ROBO2: variants seen among roughly 807,000 people sequenced by gnomAD.
ROBO2 encodes the protein roundabout homolog 2.
In ROBO2, 53 loss-of-function variants were observed where a neutral mutation model predicts 160.8. The observed-to-expected ratio is 0.33, with a 90% CI of 0.26 to 0.41. The LOEUF is 0.41. Among genes scored for constraint, ROBO2 ranks in the 10% least tolerant of loss-of-function variants. The pLI is 1.00. For synonymous variants in ROBO2, 664 were observed against 611.7 expected, an observed-to-expected ratio of 1.09 and a Z score of -1.26; for missense variants, 1,577 against 1,722.4, an observed-to-expected ratio of 0.92 and a Z score of 1.49.
intron 2 of ROBO2, among the ~76,000 whole-genome samples, chr3:77,477,081 A>G (rs891205502): frequency 6.6e-6 from 1 of 152,212 alleles, no homozygotes. Context: ...GTTTCTATAT[A>G]GAAAATAGAA....
chr3:76,428,877 G>A (rs1341920797), intron 2 of ROBO2, among the ~76,000 whole-genome samples: 4 of 152,196 alleles, frequency 2.6e-5, no homozygotes, highest in South Asian at 4.1e-4. Context: ...CTTCACGGTC[G>A]TGGGACTGAC....
At chr3:76,241,873 G>T (rs1023795572) in intron 2 of ROBO2, among the ~76,000 whole-genome samples, 5 of 152,120 alleles carry the variant, frequency 3.3e-5, no homozygotes, top group Non-Finnish European at 7.4e-5. Flanking sequence ...AATGGATTAG[G>T]ACAATTTTCA....
intron 2 of ROBO2, among the ~76,000 whole-genome samples, chr3:77,442,318 G>GA (rs573166915): frequency 0.014 from 1,916 of 135,896 alleles, 18 homozygotes; most frequent in South Asian, 0.032. Context: ...GCTCAAAAAA[G>GA]AAAAAAAAAA....
chr3:76,635,043 C>T (rs890455510), intron 2 of ROBO2, among the ~76,000 whole-genome samples: 20 of 152,202 alleles, frequency 1.3e-4, no homozygotes, highest in African/African-American at 4.8e-4. Context: ...TCCCAACCCA[C>T]TGTGGAAAAA....
intron 2 of ROBO2, among the ~76,000 whole-genome samples, chr3:77,417,561 C>T (rs575370914): frequency 2.0e-5 from 3 of 152,124 alleles, no homozygotes; most frequent in Non-Finnish European, 4.4e-5. Context: ...TACACCAAAA[C>T]CATTTAATGT....
At chr3:76,911,299 T>A (rs931545015) in intron 2 of ROBO2, among the ~76,000 whole-genome samples, 3 of 152,228 alleles carry the variant, frequency 2.0e-5, no homozygotes, top group Non-Finnish European at 4.4e-5. Flanking sequence ...TAATGATTTA[T>A]TTGAGTTTCT....
intron 2 of ROBO2, among the ~76,000 whole-genome samples, chr3:76,210,734 G>A (rs1703091320): frequency 6.6e-6 from 1 of 151,990 alleles, no homozygotes; most frequent in African/African-American, 2.4e-5. Context: ...TTATAATCAA[G>A]TGTTTATAAA....
intron 2 of ROBO2, among the ~76,000 whole-genome samples, chr3:77,326,701 G>A (rs2065438246): frequency 1.3e-5 from 2 of 152,102 alleles, no homozygotes; most frequent in African/African-American, 4.8e-5. Flanking sequence ...TATACCAGTT[G>A]AAAGCATTTA....
At chr3:76,314,639 T>A (rs1036210512) in intron 2 of ROBO2, among the ~76,000 whole-genome samples, 4 of 152,136 alleles carry the variant, frequency 2.6e-5, no homozygotes, top group Non-Finnish European at 5.9e-5. Flanking sequence ...TGCTCCACTT[T>A]CACTTAAGGA....
At chr3:77,421,696 A>C (rs1232098451) in intron 2 of ROBO2, among the ~76,000 whole-genome samples, 2 of 152,118 alleles carry the variant, frequency 1.3e-5, no homozygotes, top group Non-Finnish European at 2.9e-5. Context: ...CTCCATAAAC[A>C]TGTTAATTGA....
At chr3:76,734,801 AC>A (rs1480775630) in intron 2 of ROBO2, among the ~76,000 whole-genome samples, 2 of 152,206 alleles carry the variant, frequency 1.3e-5, no homozygotes, top group East Asian at 3.9e-4. Flanking sequence ...TAAGATCAGC[AC>A]CCCCAAAACT....
At chr3:76,245,341 G>A (rs1381483217) in intron 2 of ROBO2, among the ~76,000 whole-genome samples, 1 of 152,106 alleles carries the variant, frequency 6.6e-6, no homozygotes. Flanking sequence ...CAATGTTCCT[G>A]GGAATATTGT....
At chr3:77,517,658 C>T (rs1412218743) in intron 5 of ROBO2, among the ~76,000 whole-genome samples, 2 of 151,344 alleles carry the variant, frequency 1.3e-5, no homozygotes, top group Non-Finnish European at 3.0e-5. Flanking sequence ...TTCAGTTACC[C>T]TTGGTCAACT....
chr3:75,950,443 A>C (rs1468383585), intron 2 of ROBO2, among the ~76,000 whole-genome samples: 2 of 152,138 alleles, frequency 1.3e-5, no homozygotes, highest in Non-Finnish European at 2.9e-5. Flanking sequence ...AGAATATGAA[A>C]ATTTATTATA....
intron 2 of ROBO2, among the ~76,000 whole-genome samples, chr3:77,014,455 G>A (rs929409982): frequency 6.6e-6 from 1 of 152,132 alleles, no homozygotes; most frequent in African/African-American, 2.4e-5. Context: ...GGTGAACTGC[G>A]TAACTGTGTG....
At chr3:75,965,796 CA>C (rs1181653820) in intron 2 of ROBO2, among the ~76,000 whole-genome samples, 1 of 151,506 alleles carries the variant, frequency 6.6e-6, no homozygotes, top group East Asian at 2.0e-4. Context: ...CAAGTTACAC[CA>C]GTTTCAATTT....
rs199919326 is a variant in ROBO2, at chr3:75,936,051, C to G, written c.-13-1430C>G. On this transcript the variant is annotated intron_variant, in intron 1 of 26. Coordinates refer to the ROBO2 transcript ENST00000487694. The stretch of plus-strand genomic sequence containing the variant: ...AGTAAAATAACCTGGATTACAGTAA[C>G]TTTTCATGGAGTGTTTATTGGTACT... 4.6e-3 allele frequency among the ~76,000 whole-genome samples: 698 copies of G among 152,274 alleles called. 38 individuals carry two copies. In the East Asian group the frequency reaches 0.12, roughly 26 times the overall value.
chr3:77,593,335 TG>T (rs1427275572), intron 17 of ROBO2, among the ~76,000 whole-genome samples: 1 of 152,208 alleles, frequency 6.6e-6, no homozygotes, highest in African/African-American at 2.4e-5. Flanking sequence ...CTCAATTTTT[TG>T]CATTAATTAT....
intron 2 of ROBO2, among the ~76,000 whole-genome samples, chr3:76,952,506 T>G (rs141745363): frequency 0.031 from 4,688 of 152,110 alleles, 245 homozygotes; most frequent in African/African-American, 0.11. Flanking sequence ...ATGGTCTTGA[T>G]CTCTTGACCT....
Sources: gnomAD v4.1 joint callset for allele counts (sites outside exome capture counted in the v4.1 genomes callset) on GRCh38, gnomAD v4.1.1 for gene constraint, MANE v1.5 for transcripts, NCBI Gene and HGNC (gene_info 2026-07-23, HGNC 2026-07-21) for gene names.